The following STRN variants were observed in gnomAD, a reference collection of about 807,000 sequenced individuals.
The protein encoded by STRN is protein phosphatase 2 regulatory subunit B'''alpha.
In STRN, 53 loss-of-function variants were observed where a neutral mutation model predicts 96.3. The observed-to-expected ratio is 0.55, with a 90% CI of 0.44 to 0.69. STRN has a LOEUF of 0.69. STRN is among the 30% of genes least tolerant of loss of function. The pLI is 0.00. For missense variants in STRN, 987 were observed against 963.9 expected (o/e 1.02, Z -0.32); for synonymous variants, 428 against 355.9 (o/e 1.20, Z -2.28).
intron 7 of STRN, among the ~76,000 whole-genome samples, chr2:36,891,375 A>T (rs1669392625): frequency 6.6e-6 from 1 of 152,094 alleles, no homozygotes; most frequent in Non-Finnish European, 1.5e-5. Flanking sequence ...AAAATACAAA[A>T]AATAGCCGGG....
intron 2 of STRN, among the ~76,000 whole-genome samples, chr2:36,923,644 C>T (rs1193443685): frequency 6.6e-6 from 1 of 152,100 alleles, no homozygotes; most frequent in African/African-American, 2.4e-5. Context: ...AACACAAGTT[C>T]TAATAAAATT....
rs140903523 is a variant in STRN at position 36,905,579 on chromosome 2, C to G, written c.452G>C (p.Ser151Thr). The change falls in exon 4 of 18, where the codon AGC becomes ACC. Residue 151 changes from serine (S) to threonine (T), a missense_variant. Coordinates refer to ENST00000263918, the MANE Select transcript of STRN (RefSeq NM_003162.4). ...TCGACCTTGTTTCCACATTAACTGGCTGTTTTGTTGTGGCTGCACTTCTGT... is the reference window on the plus strand; with the variant it reads ...TCGACCTTGTTTCCACATTAACTGGGTGTTTTGTTGTGGCTGCACTTCTGT... ...NETEVQPQQN[S>T]QLMWKQGRQL... 5.9e-5 allele frequency: 96 copies of G among 1,613,534 alleles called. No homozygotes were observed. In the African/African-American group the frequency reaches 1.2e-3, roughly 20 times the overall value.
Position 36,855,334 on chromosome 2 carries a change from G to C in STRN, c.1856C>G (p.Ser619Cys), listed in dbSNP as rs1668318180. The change falls in exon 15 of 18, where the codon TCT becomes TGT. Residue 619 changes from serine (S) to cysteine (C), a missense_variant. By Grantham distance (112) the Ser-to-Cys change is moderately radical. Transcript: ENST00000263918. ...NDTKELGIPA[S>C]VDLVSSDPSH... is the part of the protein sequence containing the mutation. ...CGGGTCACTGCTCACTAGATCCACA[G>C]AGGCAGGGATTCCCAGTTCTGAAAG... 3.1e-6 allele frequency: 5 copies of C among 1,613,386 alleles called. No homozygotes were observed. Among genetic ancestry groups the C allele is most frequent in the Non-Finnish European group, 4.2e-6 (5 of 1,179,666 alleles).
At chr2:36,881,277 G>A (rs954165594) in intron 9 of STRN, among the ~76,000 whole-genome samples, 5 of 151,878 alleles carry the variant, frequency 3.3e-5, no homozygotes, top group South Asian at 4.2e-4. Flanking sequence ...ACAGGCACAC[G>A]CCACCATGTC....
rs535056697 is a variant in STRN, at chr2:36,902,692, C to T, written c.551G>A (p.Arg184Gln). Residue 184 changes from arginine (R) to glutamine (Q), a missense_variant, in exon 5 of 18, where the codon CGA (arginine) becomes CAA (glutamine). Physicochemically the swap from Arg to Gln is conservative, Grantham distance 43. Transcript: ENST00000263918. ...TILDVKSKRVRALLGFSSDVT... is the reference protein window; with the variant it reads ...TILDVKSKRVQALLGFSSDVT... ...ATCACTTGAAAAGCCCAACAAAGCT[C>T]GCACTCGTTTAGATTTCACATCTAG... 6.2e-6 allele frequency: 10 copies of T among 1,611,454 alleles called. No homozygotes were observed. The East Asian group carries it at 8.9e-5, about 14-fold the overall frequency.
In STRN at chr2:36,875,996, G is replaced by A. The variant is rs575409569; in HGVS notation, c.1323+1895C>T. Among the ~76,000 whole-genome samples the A allele has an allele frequency of 1.3e-4, 20 of 152,230 alleles. 2 individuals are homozygous for A. The South Asian group carries it at 4.2e-3, about 32-fold the overall frequency. ...TTAAATCTTTATCAGGTCAGGCATGGTGGTTCACACCTGTAATCCCAGCAT... is the reference window on the plus strand; with the variant it reads ...TTAAATCTTTATCAGGTCAGGCATGATGGTTCACACCTGTAATCCCAGCAT... On this transcript the variant is annotated intron_variant, in intron 10 of 17. Coordinates refer to ENST00000263918, the MANE Select transcript of STRN (RefSeq NM_003162.4).
chr2:36,896,413 T>C (rs907267375), intron 6 of STRN, among the ~76,000 whole-genome samples: 33 of 152,184 alleles, frequency 2.2e-4, no homozygotes, highest in Non-Finnish European at 4.6e-4. Context: ...GAAAAATGAA[T>C]TGTGTTTACC....
In STRN at chr2:36,893,909, C is replaced by T; in HGVS notation, c.920G>A (p.Gly307Glu). Residue 307 changes from glycine to glutamate, a missense_variant, in exon 7 of 18, where the codon GGA (glycine) becomes GAA (glutamate). Physicochemically the swap from Gly to Glu is moderately conservative, Grantham distance 98. Transcript: ENST00000263918. Reference sequence around the variant, plus strand: ...GTATGCTTCCTTACCCCAGTCTGTTCCATCGCCTGCACTTCTAGATTCATT... The same window carrying T: ...GTATGCTTCCTTACCCCAGTCTGTTTCATCGCCTGCACTTCTAGATTCATT... ...GDNESRSAGDGTDWEKEDQCL... is the reference protein window; with the variant it reads ...GDNESRSAGDETDWEKEDQCL... 2.5e-6 allele frequency: 4 copies of T among 1,611,052 alleles called. No individual in the cohort carries two copies. The highest frequency in any genetic ancestry group is 3.4e-6 in the Non-Finnish European group (4 of 1,179,050).
intron 3 of STRN, among the ~76,000 whole-genome samples, chr2:36,915,274 A>T (rs1447670826): frequency 5.2e-5 from 5 of 96,658 alleles, no homozygotes; most frequent in Non-Finnish European, 9.5e-5. Flanking sequence ...TATATATATA[A>T]AGCCTCTAGC....
rs1447526452 is a variant in STRN at position 36,966,478 on chromosome 2, CCCGGGGAGCTG to C, written c.-26_-16del. On this transcript the variant is annotated 5_prime_UTR_variant, in exon 1 of 18. Coordinates refer to ENST00000263918, the MANE Select transcript of STRN (RefSeq NM_003162.4). ...TGCTCGTCCATGGCGGCCGCAGATA[CCCGGGGAGCTG>C]CCCCGGCGCCCAGCAGCGGAGGCAA... The C allele has an allele frequency of 7.7e-6, 11 of 1,429,218 alleles. No homozygotes were observed. The African/African-American group carries it at 9.0e-5, about 12-fold the overall frequency. 88.5% of individuals were successfully genotyped at this position (1,429,218 alleles called of 1,614,324 possible).
intron 6 of STRN, among the ~76,000 whole-genome samples, chr2:36,898,836 T>C (rs781160803): frequency 9.9e-5 from 15 of 151,484 alleles, no homozygotes; most frequent in Non-Finnish European, 2.2e-4. Context: ...TGTCCTCATA[T>C]CTTACTTTAA....
chr2:36,932,346 G>T (rs879561104), intron 1 of STRN, among the ~76,000 whole-genome samples: 1 of 151,998 alleles, frequency 6.6e-6, no homozygotes, highest in African/African-American at 2.4e-5. Flanking sequence ...GTAGAGACAG[G>T]GTTTCACCGT....
intron 12 of STRN, among the ~76,000 whole-genome samples, chr2:36,862,342 G>A (rs973094409): frequency 6.6e-6 from 1 of 152,148 alleles, no homozygotes; most frequent in African/African-American, 2.4e-5. Context: ...TTCCACAGTG[G>A]CTGAACTAAT....
chr2:36,915,272 TAA>T (rs1218133894), intron 3 of STRN, among the ~76,000 whole-genome samples: 1 of 124,714 alleles, frequency 8.0e-6, no homozygotes, highest in Admixed American at 8.1e-5. Flanking sequence ...TATATATATA[TAA>T]AGCCTCTAGC....
chr2:36,944,809 T>C (rs532355416), intron 1 of STRN, among the ~76,000 whole-genome samples: 10 of 152,164 alleles, frequency 6.6e-5, no homozygotes, highest in African/African-American at 1.9e-4. Context: ...ATGGAAGAGA[T>C]GCTTAAATTC....
rs1322997820 is a variant in STRN at position 36,955,844 on chromosome 2, T to C, written c.234+10386A>G. ...GAATATTTGCATATACCTAATGAGA[T>C]ATCTTGGGGATGAGACCCAAGTCTA... On this transcript the variant is annotated intron_variant, in intron 1 of 17. Coordinates refer to ENST00000263918, the MANE Select transcript of STRN (RefSeq NM_003162.4). Among the ~76,000 whole-genome samples, 3 of 152,336 alleles carry C rather than the reference T, an allele frequency of 2.0e-5. No homozygotes were observed. The East Asian group carries it at 5.8e-4, about 29-fold the overall frequency.
intron 2 of STRN, among the ~76,000 whole-genome samples, chr2:36,920,068 G>T (rs941472257): frequency 4.9e-5 from 6 of 123,624 alleles, no homozygotes; most frequent in African/African-American, 1.9e-4. Flanking sequence ...CTTTACTTAG[G>T]CATTTACAGC....
chr2:36,961,115 CTTTTTTTTT>C (rs551915869), intron 1 of STRN, among the ~76,000 whole-genome samples: 18 of 60,314 alleles, frequency 3.0e-4, no homozygotes, highest in Admixed American at 2.2e-3. Context: ...CCAGGCTGCA[CTTTTTTTTT>C]TTTTTTTTTT....
chr2:36,851,590 G>A (rs1176812631), intron 15 of STRN, among the ~76,000 whole-genome samples: 1 of 152,220 alleles, frequency 6.6e-6, no homozygotes, highest in Non-Finnish European at 1.5e-5. Flanking sequence ...TGTTAGGAAA[G>A]AGAATTGCCT....
Sources: allele counts gnomAD v4.1 joint callset (sites outside exome capture counted in the v4.1 genomes callset), GRCh38; gene constraint gnomAD v4.1.1; transcripts MANE v1.5; gene names NCBI Gene and HGNC (gene_info 2026-07-23, HGNC 2026-07-21).